Variants in ASTN2 observed in about 807,000 individuals in gnomAD.
ASTN2 encodes the protein astrotactin 2.
Under a neutral mutation model 139.8 loss-of-function variants are expected in ASTN2, and 54 were observed. The ratio of observed to expected loss-of-function variants is 0.39; its 90% CI spans 0.31 to 0.48. The LOEUF is 0.48. Ranked by LOEUF, ASTN2 falls within the 20% of genes least tolerant of loss-of-function variation. The pLI is 0.95. For synonymous variants in ASTN2, 756 were observed against 719.5 expected (o/e 1.05, Z -0.81); for missense variants, 1,565 against 1,725.1 (o/e 0.91, Z 1.64).
intron 10 of ASTN2, among the ~76,000 whole-genome samples, chr9:116,912,727 C>T (rs1256027107): frequency 6.6e-6 from 1 of 152,068 alleles, no homozygotes; most frequent in African/African-American, 2.4e-5. Context: ...TTGGGTTTTG[C>T]TTTGCATGGG....
chr9:117,229,588 G>A (rs1038939790), intron 2 of ASTN2, among the ~76,000 whole-genome samples: 1 of 152,202 alleles, frequency 6.6e-6, no homozygotes, highest in Non-Finnish European at 1.5e-5. Flanking sequence ...GAAAGATGAG[G>A]TCTGGAAGAG....
At chr9:116,426,334 T>A (rs1847308819) in intron 22 of ASTN2, among the ~76,000 whole-genome samples, 1 of 152,152 alleles carries the variant, frequency 6.6e-6, no homozygotes, top group African/African-American at 2.4e-5. Context: ...ACTTCTAGGA[T>A]ATGGGAGCCC....
chr9:117,343,027 C>A (rs188109626), intron 1 of ASTN2, among the ~76,000 whole-genome samples: 5 of 152,282 alleles, frequency 3.3e-5, no homozygotes, highest in South Asian at 2.1e-4. Flanking sequence ...ATAGTTCCCC[C>A]CTCACTGCAT....
chr9:116,993,853 G>GATATATATATATATAT (rs61556942), intron 7 of ASTN2, among the ~76,000 whole-genome samples: 30 of 132,022 alleles, frequency 2.3e-4, no homozygotes, highest in South Asian at 7.4e-4. Context: ...GTATGTACAT[G>GATATATATATATATAT]ATATATATAT....
chr9:117,135,819 G>A (rs71505601), intron 4 of ASTN2, among the ~76,000 whole-genome samples: 5 of 152,180 alleles, frequency 3.3e-5, no homozygotes, highest in Admixed American at 6.5e-5. Flanking sequence ...GTGGGGAGGA[G>A]GAAAGGGCCT....
intron 3 of ASTN2, among the ~76,000 whole-genome samples, chr9:117,158,749 T>G (rs1830483515): frequency 6.6e-6 from 1 of 151,972 alleles, no homozygotes; most frequent in Non-Finnish European, 1.5e-5. Flanking sequence ...AGACTGAACT[T>G]GAAACTTTGG....
At chr9:116,912,227 G>A (rs1435931000) in intron 10 of ASTN2, among the ~76,000 whole-genome samples, 1 of 152,234 alleles carries the variant, frequency 6.6e-6, no homozygotes, top group Non-Finnish European at 1.5e-5. Context: ...CTGAACCTTA[G>A]TTCCCCTATT....
chr9:117,052,823 C>T (rs900482229), intron 5 of ASTN2, among the ~76,000 whole-genome samples: 11 of 152,196 alleles, frequency 7.2e-5, no homozygotes, highest in African/African-American at 2.2e-4. Flanking sequence ...CAAGGTCATA[C>T]GCCTAGTAAG....
intron 1 of ASTN2, among the ~76,000 whole-genome samples, chr9:117,400,102 C>T (rs7875944): frequency 0.45 from 68,205 of 151,988 alleles, 16,240 homozygotes; most frequent in Non-Finnish European, 0.54. Flanking sequence ...CCTATGCAGC[C>T]CAATCTTCCC....
At chr9:116,617,237 A>T (rs1855902799) in intron 19 of ASTN2, among the ~76,000 whole-genome samples, 1 of 152,210 alleles carries the variant, frequency 6.6e-6, no homozygotes, top group African/African-American at 2.4e-5. Flanking sequence ...AAGCAAAGCA[A>T]AAATAGCCCA....
intron 6 of ASTN2, among the ~76,000 whole-genome samples, chr9:117,009,251 C>T (rs571973064): frequency 3.5e-4 from 53 of 152,200 alleles, no homozygotes; most frequent in African/African-American, 1.2e-3. Context: ...TGAATACTTG[C>T]GTAGGCCAAT....
At chr9:117,309,400 A>T (rs540777515) in intron 1 of ASTN2, among the ~76,000 whole-genome samples, 2 of 152,348 alleles carry the variant, frequency 1.3e-5, no homozygotes, top group South Asian at 4.1e-4. Context: ...GGCTTGGCCA[A>T]TGTCTGAACT....
At chr9:116,733,290 G>A (rs1215355012) in intron 14 of ASTN2, 109 bp downstream of exon 14, 1 of 1,431,754 alleles carries the variant, frequency 7.0e-7, no homozygotes, top group Admixed American at 1.9e-5. Flanking sequence ...CATGAAGGAG[G>A]AGGCTTGACA....
chr9:117,200,995 G>C (rs1373782367), intron 3 of ASTN2, among the ~76,000 whole-genome samples: 1 of 49,254 alleles, frequency 2.0e-5, no homozygotes, highest in African/African-American at 6.5e-5. Flanking sequence ...CTGGTCCTGG[G>C]CTTTTTTTTT....
intron 3 of ASTN2, among the ~76,000 whole-genome samples, chr9:117,150,915 T>C (rs1001647885): frequency 6.6e-6 from 1 of 152,078 alleles, no homozygotes; most frequent in African/African-American, 2.4e-5. Flanking sequence ...ATTGCCCAGG[T>C]TGGTCTTGAA....
intron 6 of ASTN2, among the ~76,000 whole-genome samples, chr9:117,019,096 A>C (rs565462233): frequency 3.9e-5 from 6 of 152,136 alleles, no homozygotes; most frequent in Admixed American, 2.0e-4. Flanking sequence ...GCTTCTGTCA[A>C]CATACATCTC....
chr9:116,637,855 G>A (rs1015614842), intron 17 of ASTN2, among the ~76,000 whole-genome samples: 6 of 152,126 alleles, frequency 3.9e-5, no homozygotes, highest in Admixed American at 6.5e-5. Context: ...TTGGAGGATC[G>A]CTTGAGCCAG....
chr9:117,268,542 C>T (rs918636602), intron 2 of ASTN2, among the ~76,000 whole-genome samples: 8 of 152,156 alleles, frequency 5.3e-5, no homozygotes, highest in African/African-American at 1.7e-4. Context: ...TGATACAGTG[C>T]CATCTTGTAT....
intron 13 of ASTN2, among the ~76,000 whole-genome samples, chr9:116,758,791 T>C (rs1024458821): frequency 6.6e-6 from 1 of 152,154 alleles, no homozygotes; most frequent in African/African-American, 2.4e-5. Context: ...ACCAGGGCCA[T>C]TGTCTCTCAT....
Sources: allele counts gnomAD v4.1 joint callset (sites outside exome capture counted in the v4.1 genomes callset), GRCh38; gene constraint gnomAD v4.1.1; transcripts MANE v1.5; gene names NCBI Gene and HGNC (gene_info 2026-07-23, HGNC 2026-07-21).